SP4: variants seen among roughly 807,000 people sequenced by gnomAD.
SP4 encodes Sp4 transcription factor.
Under a neutral mutation model 72.8 loss-of-function variants are expected in SP4, and 19 were observed. That is an observed-to-expected ratio of 0.26 (90% confidence interval 0.18 to 0.38). The LOEUF is 0.38. Among genes scored for constraint, SP4 ranks in the 10% least tolerant of loss-of-function variants. SP4 has a pLI of 1.00. For missense variants in SP4, 1,008 were observed against 926.3 expected (o/e 1.09, Z -1.14); for synonymous variants, 395 against 333.1 (o/e 1.19, Z -2.02).
chr7:21,465,950 C>G (rs1263791294), intron 3 of SP4, among the ~76,000 whole-genome samples: 1 of 152,156 alleles, frequency 6.6e-6, no homozygotes, highest in African/African-American at 2.4e-5. Flanking sequence ...ACTTTAATCT[C>G]CAGTGGTATG....
intron 5 of SP4, among the ~76,000 whole-genome samples, chr7:21,505,700 G>A (rs977841369): frequency 1.3e-5 from 2 of 152,132 alleles, no homozygotes; most frequent in East Asian, 1.9e-4. Context: ...TCACCACAGG[G>A]TGGTAGGTCT....
intron 3 of SP4, among the ~76,000 whole-genome samples, chr7:21,435,613 G>A (rs1160498256): frequency 6.6e-6 from 1 of 152,190 alleles, no homozygotes; most frequent in East Asian, 1.9e-4. Context: ...ATGTACTCCT[G>A]TGTTTGGCTA....
intron 3 of SP4, among the ~76,000 whole-genome samples, chr7:21,470,631 A>G (rs1203878526): frequency 6.6e-6 from 1 of 152,194 alleles, no homozygotes; most frequent in African/African-American, 2.4e-5. Context: ...GTACTAAAAG[A>G]AAATGAGCAA....
intron 3 of SP4, among the ~76,000 whole-genome samples, chr7:21,460,851 G>T (rs1783945724): frequency 6.6e-6 from 1 of 152,154 alleles, no homozygotes; most frequent in Non-Finnish European, 1.5e-5. Context: ...TAGACACAGA[G>T]TGCTGATTGC....
At position 21,429,595 on chromosome 7, in the gene SP4, A is replaced by T; in HGVS notation, c.430A>T (p.Asn144Tyr). ...SASPTKTKSGNSSTPGQFQVI... is the reference protein window; with the variant it reads ...SASPTKTKSGYSSTPGQFQVI... ...ATCTCCTACAAAAACTAAATCAGGT[A>T]ATTCTTCCACCCCTGGTCAATTTCA... The change falls in exon 3 of 6, where the codon AAT (asparagine) becomes TAT (tyrosine). Residue 144 changes from asparagine to tyrosine, a missense_variant. Coordinates refer to ENST00000222584, the MANE Select transcript of SP4 (RefSeq NM_003112.5). 2 of 1,614,184 alleles carry T rather than the reference A, an allele frequency of 1.2e-6. No individual in the cohort carries two copies. Among genetic ancestry groups the T allele is most frequent in the Non-Finnish European group, 1.7e-6 (2 of 1,180,008 alleles).
At chr7:21,454,930 A>C (rs191332262) in intron 3 of SP4, among the ~76,000 whole-genome samples, 1 of 152,254 alleles carries the variant, frequency 6.6e-6, no homozygotes, top group African/African-American at 2.4e-5. Context: ...TTTGGAGGAG[A>C]GTTGATCAGA....
rs1449393876 is a variant in SP4 at position 21,512,903 on chromosome 7, A to G, written c.*1634A>G. ...TAGGAAAGATGGCCAAAAGTTTCAT[A>G]TGAAAAAAATTGGATTATAAACCAG... On this transcript the variant is annotated 3_prime_UTR_variant, in exon 6 of 6. Transcript: ENST00000222584. 1 of 152,618 alleles carries G rather than the reference A, an allele frequency of 6.6e-6. No homozygotes were observed. The highest frequency in any genetic ancestry group is 1.5e-5 in the Non-Finnish European group (1 of 68,040). The allele number at this position is 152,618 out of a possible 1,614,324, so 9.5% of individuals were successfully genotyped here. A position where few individuals can be genotyped will look rare whatever the true frequency, so the allele number is the denominator to read the frequency against.
At chr7:21,495,150 A>G (rs1047566244) in intron 5 of SP4, among the ~76,000 whole-genome samples, 4 of 152,212 alleles carry the variant, frequency 2.6e-5, no homozygotes, top group Admixed American at 1.3e-4. Context: ...ATATAGGACA[A>G]AATCTTTGCA....
At chr7:21,476,531 A>C (rs1345384667) in intron 3 of SP4, among the ~76,000 whole-genome samples, 2 of 152,166 alleles carry the variant, frequency 1.3e-5, no homozygotes, top group African/African-American at 2.4e-5. Flanking sequence ...TGCATTTCAA[A>C]AACCACTTTA....
At chr7:21,445,954 A>T (rs1783408057) in intron 3 of SP4, among the ~76,000 whole-genome samples, 1 of 146,282 alleles carries the variant, frequency 6.8e-6, no homozygotes, top group Admixed American at 7.1e-5. Flanking sequence ...TTTCCAAAAC[A>T]TATGATCGAG....
At chr7:21,443,118 G>T (rs547341075) in intron 3 of SP4, among the ~76,000 whole-genome samples, 1 of 152,224 alleles carries the variant, frequency 6.6e-6, no homozygotes, top group South Asian at 2.1e-4. Flanking sequence ...AGCCTCATGT[G>T]AGTAGAGTCT....
intron 5 of SP4, among the ~76,000 whole-genome samples, chr7:21,500,656 G>C (rs1479104054): frequency 6.6e-6 from 1 of 152,170 alleles, no homozygotes; most frequent in African/African-American, 2.4e-5. Context: ...CTTGGAGGCT[G>C]CCCACACTCC....
chr7:21,454,154 C>CTACACT (rs1244078640), intron 3 of SP4, among the ~76,000 whole-genome samples: 1 of 152,098 alleles, frequency 6.6e-6, no homozygotes, highest in East Asian at 1.9e-4. Context: ...CCTAGGACAC[C>CTACACT]AGACAGAAGT....
At chr7:21,510,560 A>C (rs78454865) in intron 5 of SP4, among the ~76,000 whole-genome samples, 1,725 of 152,306 alleles carry the variant, frequency 0.011, 26 homozygotes, top group African/African-American at 0.038. Flanking sequence ...TCAGTATGCT[A>C]TTAAATTATT....
chr7:21,504,161 C>CTAA (rs1781936515), intron 5 of SP4, among the ~76,000 whole-genome samples: 1 of 152,158 alleles, frequency 6.6e-6, no homozygotes, highest in Admixed American at 6.5e-5. Flanking sequence ...CCTGTAGCTT[C>CTAA]TATAGTGTTC....
intron 5 of SP4, among the ~76,000 whole-genome samples, chr7:21,501,757 A>G (rs966786094): frequency 1.3e-5 from 2 of 152,164 alleles, no homozygotes; most frequent in Non-Finnish European, 2.9e-5. Flanking sequence ...CTGGGGCAGT[A>G]TTGTTGGGAA....
At chr7:21,510,111 C>T (rs958945993) in intron 5 of SP4, among the ~76,000 whole-genome samples, 1 of 152,152 alleles carries the variant, frequency 6.6e-6, no homozygotes, top group Non-Finnish European at 1.5e-5. Flanking sequence ...GGGTCCCTCC[C>T]ACAACATGTG....
chr7:21,485,134 A>G (rs1244200495), intron 5 of SP4, among the ~76,000 whole-genome samples: 3 of 151,924 alleles, frequency 2.0e-5, no homozygotes, highest in Non-Finnish European at 4.4e-5. Context: ...ATTTGTCTAA[A>G]AGAATATGAA....
chr7:21,492,358 C>T (rs2128413891), intron 5 of SP4, among the ~76,000 whole-genome samples: 1 of 152,236 alleles, frequency 6.6e-6, no homozygotes, highest in South Asian at 2.1e-4. Context: ...AAACAACATT[C>T]AAATATAGGT....
Sources: gnomAD v4.1 joint callset for allele counts (sites outside exome capture counted in the v4.1 genomes callset) on GRCh38, gnomAD v4.1.1 for gene constraint, MANE v1.5 for transcripts, NCBI Gene and HGNC (gene_info 2026-07-23, HGNC 2026-07-21) for gene names.